ROR2: variants seen among roughly 807,000 people sequenced by gnomAD.
ROR2 encodes the protein ROR family WNT receptor 2.
A neutral mutation model predicts 74.9 loss-of-function variants in ROR2; 33 were observed. The observed-to-expected ratio is 0.44, with a 90% CI of 0.33 to 0.59. The LOEUF is 0.59. Among genes scored for constraint, ROR2 ranks in the 20% least tolerant of loss-of-function variants. ROR2 has a pLI of 0.02. For missense variants in ROR2, 1,216 were observed against 1,313.8 expected (o/e 0.93, Z 1.15); for synonymous variants, 586 against 558.7 (o/e 1.05, Z -0.69).
At chr9:91,828,667 T>C (rs143867685) in intron 1 of ROR2, among the ~76,000 whole-genome samples, 5 of 152,264 alleles carry the variant, frequency 3.3e-5, no homozygotes, top group African/African-American at 7.2e-5. Context: ...TGAGCCAAGA[T>C]TGTACCACTG....
chr9:91,816,841 T>C (rs1327169506), intron 1 of ROR2, among the ~76,000 whole-genome samples: 2 of 152,074 alleles, frequency 1.3e-5, no homozygotes, highest in African/African-American at 2.4e-5. Flanking sequence ...CCACTCACCA[T>C]TGGTTTTCAG....
At chr9:91,820,664 T>G (rs550594584) in intron 1 of ROR2, among the ~76,000 whole-genome samples, 1 of 152,208 alleles carries the variant, frequency 6.6e-6, no homozygotes, top group African/African-American at 2.4e-5. Context: ...GTGTTATGGG[T>G]TGACTTGTGT....
intron 1 of ROR2, among the ~76,000 whole-genome samples, chr9:91,786,419 A>C (rs1435193417): frequency 6.6e-6 from 1 of 152,152 alleles, no homozygotes; most frequent in Non-Finnish European, 1.5e-5. Context: ...CCAGAGTGGC[A>C]GAGTGATATC....
At chr9:91,809,247 G>T (rs891421619) in intron 1 of ROR2, among the ~76,000 whole-genome samples, 1 of 152,074 alleles carries the variant, frequency 6.6e-6, no homozygotes, top group Non-Finnish European at 1.5e-5. Context: ...AAACCAAAAG[G>T]ATACATGCAG....
chr9:91,820,638 C>T (rs2119145059), intron 1 of ROR2, among the ~76,000 whole-genome samples: 1 of 152,312 alleles, frequency 6.6e-6, no homozygotes, highest in South Asian at 2.1e-4. Flanking sequence ...TAGCCAAGTG[C>T]TTCCTATCGA....
Position 91,775,757 on chromosome 9 carries a change from C to G in ROR2, c.159G>C (p.Pro53=). ...PLGPLDGQDG[P]IPTLKGYFLN... is the part of the protein sequence containing the mutation. Reference sequence around the variant, plus strand: ...CCAGCTCACCTTTCAGAGTTGGAATCGGGCCGTCCTGCCCATCAAGGGGTC... The same window carrying G: ...CCAGCTCACCTTTCAGAGTTGGAATGGGGCCGTCCTGCCCATCAAGGGGTC... The change falls in exon 2 of 9, where the codon CCG becomes CCC. Residue 53 remains proline (P), a synonymous_variant. Transcript: ENST00000375708. 1.2e-6 allele frequency: 2 copies of G among 1,614,052 alleles called. No individual in the cohort carries two copies. Among genetic ancestry groups the G allele is most frequent in the Admixed American group, 1.7e-5 (1 of 60,016 alleles).
chr9:91,857,322 A>G (rs1829322489), intron 1 of ROR2, among the ~76,000 whole-genome samples: 1 of 152,130 alleles, frequency 6.6e-6, no homozygotes, highest in Non-Finnish European at 1.5e-5. Flanking sequence ...GCTTGACCTC[A>G]CTGGGCAGGC....
intron 4 of ROR2, among the ~76,000 whole-genome samples, chr9:91,751,120 G>A (rs1002161257): frequency 6.6e-6 from 1 of 152,112 alleles, no homozygotes; most frequent in Admixed American, 6.6e-5. Context: ...TGTCCCTGGA[G>A]GACTTTCACC....
chr9:91,830,252 C>T (rs895496406), intron 1 of ROR2, among the ~76,000 whole-genome samples: 10 of 152,122 alleles, frequency 6.6e-5, no homozygotes, highest in Non-Finnish European at 8.8e-5. Context: ...ATCGCCTGAG[C>T]CCAGGAGTTC....
Position 91,949,783 on chromosome 9 carries a change from G to A in ROR2, c.97+84C>T, listed in dbSNP as rs983010934. The A allele has an allele frequency of 4.5e-6, 4 of 892,316 alleles. No individual in the cohort carries two copies. In the Admixed American group the frequency reaches 8.0e-5, roughly 18 times the overall value. The allele number at this position is 892,316 out of a possible 1,614,324, so 55.3% of individuals were successfully genotyped here. On this transcript the variant is annotated intron_variant, in intron 1 of 8. Transcript: ENST00000375708. ...CAGGAGCATGGGCGCCGGCGCAGCG[G>A]CCGGGAGCATAGTGGCGGCGGAAGG... is the stretch of plus-strand genomic sequence containing the variant.
chr9:91,837,636 G>A (rs190775610), intron 1 of ROR2, among the ~76,000 whole-genome samples: 142 of 152,268 alleles, frequency 9.3e-4, no homozygotes, highest in African/African-American at 3.2e-3. Flanking sequence ...TATTCTCAAA[G>A]CCATCTCATA....
intron 4 of ROR2, among the ~76,000 whole-genome samples, chr9:91,739,188 C>A (rs189015783): frequency 1.8e-3 from 280 of 152,270 alleles, no homozygotes; most frequent in African/African-American, 6.3e-3. Flanking sequence ...TTAGAGTAGA[C>A]CATCCCCAAA....
Position 91,737,515 on chromosome 9 carries a change from A to T in ROR2, c.498T>A (p.Asp166Glu). 1 of 1,614,114 alleles carries T rather than the reference A, an allele frequency of 6.2e-7. No individual in the cohort carries two copies. Among genetic ancestry groups the T allele is most frequent in the Non-Finnish European group, 8.5e-7 (1 of 1,180,018 alleles). The change falls in exon 5 of 9, where the codon GAT becomes GAA. Residue 166 changes from aspartate (D) to glutamate (E), a missense_variant. Transcript: ENST00000375708. ...GGCAGAACCCATCCTCGTGGTAATC[A>T]TCCCTGGTAAGAAACACACAAAGTC... ...PTHSPNHNFQDDYHEDGFCQP... is the reference protein window; with the variant it reads ...PTHSPNHNFQEDYHEDGFCQP...
chr9:91,762,976 A>G (rs1157911874), intron 2 of ROR2, among the ~76,000 whole-genome samples: 1 of 152,240 alleles, frequency 6.6e-6, no homozygotes, highest in Non-Finnish European at 1.5e-5. Flanking sequence ...TGGTACTTAT[A>G]CACCATGGAA....
intron 1 of ROR2, among the ~76,000 whole-genome samples, chr9:91,892,500 G>C (rs58431919): frequency 0.28 from 42,794 of 151,242 alleles, 6,315 homozygotes; most frequent in Admixed American, 0.43. Flanking sequence ...ACTATATAAA[G>C]AGCTTACACC....
At position 91,769,879 on chromosome 9, in the gene ROR2, C is replaced by T. The variant is rs539753735; in HGVS notation, c.175+5862G>A. On this transcript the variant is annotated intron_variant, in intron 2 of 8. Coordinates refer to ENST00000375708, the MANE Select transcript of ROR2 (RefSeq NM_004560.4). The stretch of plus-strand genomic sequence containing the variant: ...GAGACCACGCCGCCTCATACTGGGA[C>T]GTTTTCAGAGACTCTGAGCGCCCAG... 2.8e-3 allele frequency among the ~76,000 whole-genome samples: 427 copies of T among 152,308 alleles called. 1 individual carries two copies. The highest frequency in any genetic ancestry group is 6.1e-3 in the Admixed American group (94 of 15,302).
At chr9:91,879,644 G>T (rs1009635155) in intron 1 of ROR2, among the ~76,000 whole-genome samples, 2 of 151,974 alleles carry the variant, frequency 1.3e-5, no homozygotes, top group African/African-American at 4.8e-5. Context: ...GGTCAGCTGG[G>T]CCTTGGAAGA....
chr9:91,800,769 A>G (rs1727906235), intron 1 of ROR2, among the ~76,000 whole-genome samples: 1 of 152,228 alleles, frequency 6.6e-6, no homozygotes, highest in Non-Finnish European at 1.5e-5. Flanking sequence ...ACGAGGCCAC[A>G]GTAAAGTTCA....
In ROR2 at chr9:91,775,776, A is replaced by C. The variant is rs769187247; in HGVS notation, c.140T>G (p.Leu47Arg). ...TGGAATCGGGCCGTCCTGCCCATCA[A>C]GGGGTCCTAAAGGGTCGTTCGGATC... is the stretch of plus-strand genomic sequence containing the variant. ...VLDPNDPLGPLDGQDGPIPTL... is the reference protein window; with the variant it reads ...VLDPNDPLGPRDGQDGPIPTL... The change falls in exon 2 of 9, where the codon CTT (leucine) becomes CGT (arginine). Residue 47 changes from leucine to arginine, a missense_variant. Transcript: ENST00000375708. 3 of 1,614,186 alleles carry C rather than the reference A, an allele frequency of 1.9e-6. No individual in the cohort carries two copies. Among genetic ancestry groups the C allele is most frequent in the Non-Finnish European group, 1.7e-6 (2 of 1,180,022 alleles).
Sources: gnomAD v4.1 joint callset for allele counts (sites outside exome capture counted in the v4.1 genomes callset) on GRCh38, gnomAD v4.1.1 for gene constraint, MANE v1.5 for transcripts, NCBI Gene and HGNC (gene_info 2026-07-23, HGNC 2026-07-21) for gene names.